Variants in AGPAT3 observed in about 807,000 individuals in gnomAD.
AGPAT3 encodes 1-acylglycerol-3-phosphate O-acyltransferase 3.
In AGPAT3, 5 loss-of-function variants were observed where a neutral mutation model predicts 47.3. That is an observed-to-expected ratio of 0.11 (90% confidence interval 0.06 to 0.22). The LOEUF (loss-of-function observed/expected upper bound fraction) is 0.22. AGPAT3 is among the 10% of genes least tolerant of loss of function. The pLI, the probability that AGPAT3 is intolerant of heterozygous loss-of-function variation, is 1.00. For synonymous variants in AGPAT3, 212 were observed against 208.3 expected (o/e 1.02, Z -0.15); for missense variants, 315 against 493.0 (o/e 0.64, Z 3.42).
chr21:43,980,736 C>T (rs150048368), intron 8 of AGPAT3, among the ~76,000 whole-genome samples: 11 of 152,238 alleles, frequency 7.2e-5, no homozygotes, highest in South Asian at 2.1e-4. Context: ...CTTTCTTGAC[C>T]GATTATTTTC....
intron 1 of AGPAT3, among the ~76,000 whole-genome samples, chr21:43,870,036 C>T (rs1044611360): frequency 6.6e-6 from 1 of 152,144 alleles, no homozygotes; most frequent in Admixed American, 6.5e-5. Flanking sequence ...TCCACAAAAA[C>T]AAAAGGAACA....
intron 1 of AGPAT3, among the ~76,000 whole-genome samples, chr21:43,878,987 C>T (rs2085794688): frequency 6.6e-6 from 1 of 152,040 alleles, no homozygotes; most frequent in Non-Finnish European, 1.5e-5. Context: ...GCAACCTGCC[C>T]ACCTCGGGTC....
chr21:43,961,153 A>G (rs2088814394), intron 3 of AGPAT3, among the ~76,000 whole-genome samples: 1 of 152,096 alleles, frequency 6.6e-6, no homozygotes, highest in South Asian at 2.1e-4. Context: ...AAAAAAAAAA[A>G]AAAGAAAACA....
At chr21:43,870,563 A>AAC (rs2085603700) in intron 1 of AGPAT3, among the ~76,000 whole-genome samples, 1 of 149,644 alleles carries the variant, frequency 6.7e-6, no homozygotes. Context: ...AAAAAAAAAA[A>AAC]AACCCAAAAA....
chr21:43,966,859 C>A (rs918719807), intron 3 of AGPAT3: 1 of 152,328 alleles, frequency 6.6e-6, no homozygotes, highest in Non-Finnish European at 1.5e-5. Flanking sequence ...TCTGTGGGGC[C>A]ATCCTTCCCG....
intron 3 of AGPAT3, among the ~76,000 whole-genome samples, chr21:43,962,892 T>TGACCCACTATGCCCCGA (rs1555910635): frequency 1.3e-5 from 2 of 151,802 alleles, no homozygotes; most frequent in East Asian, 3.9e-4. Flanking sequence ...GGACTGAAGA[T>TGACCCACTATGCCCCGA]GACCCACTGT....
At position 43,920,187 on chromosome 21, in the gene AGPAT3, C is replaced by T. The variant is rs1167771795; in HGVS notation, c.-49+16168C>T. 6.7e-6 allele frequency among the ~76,000 whole-genome samples: 1 copy of T among 150,248 alleles called. No individual in the cohort carries two copies. Among genetic ancestry groups the T allele is most frequent in the East Asian group, 2.0e-4 (1 of 5,074 alleles). On this transcript the variant is annotated intron_variant, in intron 2 of 9. Transcript: ENST00000291572. The surrounding 1 kb of genome is among the most constrained non-coding windows in gnomAD (Gnocchi z 6.1). Reference sequence around the variant, plus strand: ...TTTCTTCCCCCACTGCATGCTGGGACACTCATCATGTCTTCAGCCCTGTGT... The same window carrying T: ...TTTCTTCCCCCACTGCATGCTGGGATACTCATCATGTCTTCAGCCCTGTGT...
intron 1 of AGPAT3, among the ~76,000 whole-genome samples, chr21:43,868,458 A>G (rs2085556182): frequency 6.6e-6 from 1 of 152,196 alleles, no homozygotes; most frequent in Non-Finnish European, 1.5e-5. Context: ...CCTGCAGCCC[A>G]GAGGCCTGTC....
chr21:43,888,371 A>G (rs1308989324), intron 1 of AGPAT3, among the ~76,000 whole-genome samples: 1 of 145,708 alleles, frequency 6.9e-6, no homozygotes, highest in Admixed American at 7.1e-5. Flanking sequence ...GTAAGGCTTT[A>G]CTCCACCTGG....
Position 43,932,573 on chromosome 21 carries a change from G to A in AGPAT3, c.-48-27061G>A, listed in dbSNP as rs528816308. ...GGGTGATGCTGCAGTGAACATGGGC[G>A]TGCCGGTGTCTATTTGACACACTGA... On this transcript the variant is annotated intron_variant, in intron 2 of 9. Coordinates refer to ENST00000291572, the MANE Select transcript of AGPAT3 (RefSeq NM_020132.5). This position sits in a 1 kb window ranked among gnomAD's most constrained non-coding sequence, Gnocchi z 5.2. Among the ~76,000 whole-genome samples, 58 of 152,320 alleles carry A rather than the reference G, an allele frequency of 3.8e-4. No homozygotes were observed. The highest frequency in any genetic ancestry group is 2.4e-3 in the Admixed American group (36 of 15,300).
chr21:43,889,715 G>T (rs1601226854), intron 1 of AGPAT3, among the ~76,000 whole-genome samples: 1 of 152,178 alleles, frequency 6.6e-6, no homozygotes, highest in Non-Finnish European at 1.5e-5. Context: ...CTATACTGTA[G>T]TCTGTTAAGT....
At chr21:43,975,427 T>A (rs2089578306) in intron 7 of AGPAT3, among the ~76,000 whole-genome samples, 1 of 152,188 alleles carries the variant, frequency 6.6e-6, no homozygotes, top group African/African-American at 2.4e-5. Context: ...GTATGACGCA[T>A]GCTGGCGTGT....
chr21:43,898,157 T>C (rs62228704), intron 1 of AGPAT3, among the ~76,000 whole-genome samples: 16,104 of 152,198 alleles, frequency 0.11, 1,646 homozygotes, highest in African/African-American at 0.27. Flanking sequence ...GAGCGACAGT[T>C]GGTTTTTTAA....
chr21:43,975,768 G>C (rs954776348), intron 7 of AGPAT3, among the ~76,000 whole-genome samples: 1 of 152,152 alleles, frequency 6.6e-6, no homozygotes. Context: ...GGCTTACAAC[G>C]CAGCGATTTG....
chr21:43,909,856 G>A (rs1185219293), intron 2 of AGPAT3, among the ~76,000 whole-genome samples: 6 of 152,168 alleles, frequency 3.9e-5, no homozygotes, highest in African/African-American at 1.2e-4. Flanking sequence ...TTAGTACACC[G>A]TCCTGCAGGG....
intron 2 of AGPAT3, among the ~76,000 whole-genome samples, chr21:43,918,061 T>G: frequency 1.5e-5 from 2 of 134,614 alleles, no homozygotes; most frequent in African/African-American, 2.9e-5. Context: ...GTTGTGGGTG[T>G]TGGGGTTGTG....
chr21:43,880,910 A>G lies in AGPAT3; in HGVS notation c.-112+15565A>G, dbSNP rs1211246906. 6.6e-6 allele frequency among the ~76,000 whole-genome samples: 1 copy of G among 152,082 alleles called. No homozygotes were observed. The highest frequency in any genetic ancestry group is 1.9e-4 in the East Asian group (1 of 5,188). ...ATGTTAACTGTTCGTAGCAAGGAAG[A>G]TTTGTTTTCAGGCTGGTGGTTTGAT... On this transcript the variant is annotated intron_variant, in intron 1 of 9. Coordinates refer to ENST00000291572, the MANE Select transcript of AGPAT3 (RefSeq NM_020132.5). The surrounding 1 kb of genome is among the most constrained non-coding windows in gnomAD (Gnocchi z 4.5).
Position 43,878,218 on chromosome 21 carries a change from T to C in AGPAT3, c.-112+12873T>C, listed in dbSNP as rs983734369. Reference sequence around the variant, plus strand: ...ACTGGCCACACTCTGCCTTGGACTTTAGCCTGCCTGGAACACACTTTCTCC... The same window carrying C: ...ACTGGCCACACTCTGCCTTGGACTTCAGCCTGCCTGGAACACACTTTCTCC... On this transcript the variant is annotated intron_variant, in intron 1 of 9. Transcript: ENST00000291572. Among the ~76,000 whole-genome samples the C allele has an allele frequency of 2.6e-5, 4 of 152,320 alleles. No individual in the cohort carries two copies. The South Asian group carries it at 6.2e-4, about 24-fold the overall frequency.
At chr21:43,960,807 A>G in intron 3 of AGPAT3, 1 of 979,240 alleles carries the variant, frequency 1.0e-6, no homozygotes, top group Non-Finnish European at 1.2e-6. Flanking sequence ...TTGTGTCTTA[A>G]GAAAGGATGC....
Sources: gnomAD v4.1 joint callset for allele counts (sites outside exome capture counted in the v4.1 genomes callset) on GRCh38, gnomAD v4.1.1 for gene constraint, Gnocchi (gnomAD v3.1) non-coding constraint, MANE v1.5 for transcripts, NCBI Gene and HGNC (gene_info 2026-07-23, HGNC 2026-07-21) for gene names.